The following HDAC6 variants were observed in gnomAD, a reference collection of about 807,000 sequenced individuals.
The protein encoded by HDAC6 is protein deacetylase HDAC6.
Under a neutral mutation model 88.9 loss-of-function variants are expected in HDAC6, and 5 were observed. That is an observed-to-expected ratio of 0.06 (90% CI 0.03 to 0.12). HDAC6 has a LOEUF of 0.12. Among genes scored for constraint, HDAC6 ranks in the 10% least tolerant of loss-of-function variants. The pLI is 1.00. For synonymous variants in HDAC6, 378 were observed against 398.0 expected (o/e 0.95, Z 0.60); for missense variants, 706 against 1,014.4 (o/e 0.70, Z 4.13).
intron 10 of HDAC6, among the ~76,000 whole-genome samples, chrX:48,809,073 C>T (rs193174757): frequency 1.8e-5 from 2 of 112,039 alleles, no homozygotes; most frequent in Admixed American, 1.9e-4. Context: ...TTATTTAACC[C>T]CAGGACTTTT....
chrX:48,824,294 G>T lies in HDAC6; in HGVS notation c.3579G>T (p.Gln1193His). ...CYYCQAYVHH[Q>H]ALLDVKNIAH... ...ACTGTCAGGCCTATGTCCACCACCAGGTGGGCCCTGGGTAGACCCTTCGAC... is the reference window on the plus strand; with the variant it reads ...ACTGTCAGGCCTATGTCCACCACCATGTGGGCCCTGGGTAGACCCTTCGAC... The change falls in exon 28 of 29, where the codon CAG becomes CAT. Residue 1193 changes from glutamine (Q) to histidine (H), a missense_variant and splice_region_variant. Transcript: ENST00000334136. 1 of 1,207,759 alleles carries T rather than the reference G, an allele frequency of 8.3e-7. No individual in the cohort carries two copies. Among genetic ancestry groups the T allele is most frequent in the Non-Finnish European group, 1.1e-6 (1 of 893,607 alleles).
rs1339992063 is a variant in HDAC6 at position 48,806,351 on chromosome X, CT to C, written c.438-16del. 32 of 1,056,523 alleles carry C rather than the reference CT, an allele frequency of 3.0e-5. No homozygotes were observed. In the Admixed American group the frequency reaches 4.6e-4, roughly 15 times the overall value. 87.1% of individuals were successfully genotyped at this position (1,056,523 alleles called of 1,213,427 possible). ...GAAGAGACAGGGCCCTGAATCTCAT[CT>C]CCCATCTGTGTCTAGCCTAGAATAT... On this transcript the variant is annotated splice_polypyrimidine_tract_variant and intron_variant, in intron 6 of 28. Transcript: ENST00000334136.
Position 48,802,474 on chromosome X carries a change from C to T in HDAC6, c.-30-189C>T, listed in dbSNP as rs782099507. On this transcript the variant is annotated intron_variant, in intron 1 of 28. Transcript: ENST00000334136. Reference sequence around the variant, plus strand: ...TGGAGTCTAGCGGGCCGGGCGGGGCCGGGTAGAATGGCCACCTGAGTGGAG... The same window carrying T: ...TGGAGTCTAGCGGGCCGGGCGGGGCTGGGTAGAATGGCCACCTGAGTGGAG... 1.6e-4 allele frequency: 168 copies of T among 1,061,650 alleles called. 1 individual carries two copies. The South Asian group carries it at 3.8e-3, about 24-fold the overall frequency. 87.5% of individuals were successfully genotyped at this position (1,061,650 alleles called of 1,213,427 possible).
At position 48,822,707 on chromosome X, in the gene HDAC6, C is replaced by T. The variant is rs781789489; in HGVS notation, c.2425C>T (p.Pro809Ser). ...LGDPPPLLTL[P>S]RPPLSGALAS... ...AGACCCACCACCCCTGCTGACCCTG[C>T]CACGGCCCCCACTATCAGGGGCCCT... Residue 809 changes from proline to serine, a missense_variant, in exon 24 of 29, where the codon CCA becomes TCA. Pro to Ser is a moderately conservative substitution (Grantham distance 74, BLOSUM62 -1). Transcript: ENST00000334136. 1.7e-6 allele frequency: 2 copies of T among 1,209,613 alleles called. No individual in the cohort carries two copies. Among genetic ancestry groups the T allele is most frequent in the East Asian group, 5.9e-5 (2 of 33,821 alleles).
intron 23 of HDAC6, among the ~76,000 whole-genome samples, chrX:48,821,491 CTTT>C (rs869154128): frequency 3.9e-5 from 3 of 77,510 alleles, no homozygotes; most frequent in Non-Finnish European, 5.0e-5. Context: ...ATACCTGCCT[CTTT>C]TTTTTTTTTT....
Position 48,821,958 on chromosome X carries a change from C to G in HDAC6, c.2338-662C>G, listed in dbSNP as rs1237363899. On this transcript the variant is annotated intron_variant, in intron 23 of 28. Transcript: ENST00000334136. Reference sequence around the variant, plus strand: ...AACACAGATGACTCCATCAGAGAGCCCAAGTTCAAACCCCAGTGCTGCCTC... The same window carrying G: ...AACACAGATGACTCCATCAGAGAGCGCAAGTTCAAACCCCAGTGCTGCCTC... 2.7e-5 allele frequency among the ~76,000 whole-genome samples: 3 copies of G among 112,052 alleles called. No homozygotes were observed. The East Asian group carries it at 8.4e-4, about 31-fold the overall frequency.
chrX:48,824,370 G>A, intron 28 of HDAC6, 76 bp downstream of exon 28: 3 of 1,132,987 alleles, frequency 2.6e-6, no homozygotes, highest in South Asian at 3.9e-5. Context: ...TTGGGTAAAG[G>A]GAGACCACAG....
chrX:48,803,371 GC>G, intron 4 of HDAC6, 155 bp downstream of exon 4: 1 of 458,150 alleles, frequency 2.2e-6, no homozygotes. Flanking sequence ...CTTTTATGTA[GC>G]TAACAAACAT....
In HDAC6 at chrX:48,816,035, C is replaced by T. The variant is rs782331503; in HGVS notation, c.1476C>T (p.His492=). ...GLVYDQNMMN[H]CNLWDSHHPE... ...TCTATGACCAAAATATGATGAATCACTGCAACTTGTGGGACAGGTAGGCAT... is the reference window on the plus strand; with the variant it reads ...TCTATGACCAAAATATGATGAATCATTGCAACTTGTGGGACAGGTAGGCAT... Residue 492 remains histidine, a synonymous_variant, in exon 17 of 29, where the codon CAC becomes CAT. Transcript: ENST00000334136. 4.1e-6 allele frequency: 5 copies of T among 1,209,964 alleles called. No homozygotes were observed. In the African/African-American group the frequency reaches 8.7e-5, roughly 21 times the overall value.
chrX:48,801,965 G>A (rs2062732436), upstream of HDAC6: 1 of 967,615 alleles, frequency 1.0e-6, no homozygotes, highest in Non-Finnish European at 1.3e-6. Context: ...CGCGTCGACG[G>A]CGGAGGCGGG....
intron 4 of HDAC6, among the ~76,000 whole-genome samples, chrX:48,803,643 T>C (rs1220078646): frequency 8.9e-6 from 1 of 111,756 alleles, no homozygotes; most frequent in Non-Finnish European, 1.9e-5. Flanking sequence ...GGATGAAACC[T>C]CCCGTTTGCT....
At chrX:48,814,279 T>A in intron 10 of HDAC6, 161 bp from the exon 11 acceptor site, 1 of 512,116 alleles carries the variant, frequency 2.0e-6, no homozygotes, top group Non-Finnish European at 3.2e-6. Flanking sequence ...GAAGAATGGA[T>A]TCATGGATTA....
In HDAC6 at chrX:48,824,546, T is replaced by C; in HGVS notation, c.3582T>C (p.Ala1194=). ...YYCQAYVHHQ[A]LLDVKNIAHQ... Reference sequence around the variant, plus strand: ...CCCTATTCTTGCCTCCTCCTCAGGCTCTCCTAGATGTGAAGAACATCGCCC... The same window carrying C: ...CCCTATTCTTGCCTCCTCCTCAGGCCCTCCTAGATGTGAAGAACATCGCCC... Residue 1194 remains alanine, a splice_region_variant and synonymous_variant, in exon 29 of 29, where the codon GCT becomes GCC. Transcript: ENST00000334136. 1 of 1,208,441 alleles carries C rather than the reference T, an allele frequency of 8.3e-7. No homozygotes were observed. The highest frequency in any genetic ancestry group is 1.7e-5 in the African/African-American group (1 of 57,399).
At chrX:48,810,483 A>G (rs1389748989) in intron 10 of HDAC6, 3 of 111,900 alleles carry the variant, frequency 2.7e-5, no homozygotes, top group Admixed American at 1.9e-4. Context: ...ATTATTTTCT[A>G]TTAGATCTTT....
rs2063130395 is a variant in HDAC6, at chrX:48,824,188, A to G, written c.3473A>G (p.Asn1158Ser). 8.3e-7 allele frequency: 1 copy of G among 1,208,707 alleles called. No homozygotes were observed. Among genetic ancestry groups the G allele is most frequent in the Non-Finnish European group, 1.1e-6 (1 of 894,620 alleles). Residue 1158 changes from asparagine to serine, a missense_variant, in exon 28 of 29, where the codon AAT becomes AGT. Asn to Ser is a conservative substitution (Grantham distance 46). Transcript: ENST00000334136. ...CYQVYCGRYI[N>S]GHMLQHHGNS... The stretch of plus-strand genomic sequence containing the variant: ...CAGGTCTACTGTGGTCGTTACATCA[A>G]TGGCCACATGCTCCAACACCATGGA...
chrX:48,803,231 T>A lies in HDAC6; in HGVS notation c.311+15T>A. 8.7e-7 allele frequency: 1 copy of A among 1,152,093 alleles called. No homozygotes were observed. The highest frequency in any genetic ancestry group is 1.2e-6 in the Non-Finnish European group (1 of 843,035). 94.9% of individuals were successfully genotyped at this position (1,152,093 alleles called of 1,213,427 possible). A position where few individuals can be genotyped will look rare whatever the true frequency, so the allele number is the denominator to read the frequency against. On this transcript the variant is annotated intron_variant, in intron 4 of 28. Transcript: ENST00000334136. ...TGGGATGACAGGTGAGGCTGGGTCC[T>A]CCAGGCTGTCTCCAAACCACAAAAA...
intron 14 of HDAC6, 79 bp from the exon 15 acceptor site, chrX:48,815,305 C>G: frequency 1.2e-5 from 9 of 751,758 alleles, no homozygotes; most frequent in Non-Finnish European, 1.8e-5. Flanking sequence ...GGTATGCACT[C>G]TCTTATTATC....
At chrX:48,802,495 T>A in intron 1 of HDAC6, 168 bp from the exon 2 acceptor site, 1 of 1,077,949 alleles carries the variant, frequency 9.3e-7, no homozygotes. Context: ...GCCACCTGAG[T>A]GGAGGGAGAA....
At chrX:48,817,251 CAAA>C (rs1302262373) in intron 19 of HDAC6, 72 bp from the exon 20 acceptor site, 5,527 of 804,720 alleles carry the variant, frequency 6.9e-3, no homozygotes, top group Admixed American at 0.013. Flanking sequence ...GACTCCGTCT[CAAA>C]AAAAAAAAAA....
Sources: gnomAD v4.1 joint callset for allele counts (sites outside exome capture counted in the v4.1 genomes callset) on GRCh38, gnomAD v4.1.1 for gene constraint, MANE v1.5 for transcripts, NCBI Gene and HGNC (gene_info 2026-07-23, HGNC 2026-07-21) for gene names.